The following PREX1 variants were observed in gnomAD, a reference collection of about 807,000 sequenced individuals.
PREX1 encodes the protein phosphatidylinositol 3,4,5-trisphosphate-dependent Rac exchanger 1 protein.
PREX1 carries 41 observed loss-of-function variants against 198.3 expected under a neutral mutation model. The ratio of observed to expected loss-of-function variants is 0.21; its 90% CI spans 0.16 to 0.27. The LOEUF is 0.27. Among genes scored for constraint, PREX1 ranks in the 10% least tolerant of loss-of-function variants. The pLI is 1.00. For synonymous variants in PREX1, 843 were observed against 887.2 expected, an observed-to-expected ratio of 0.95 and a Z score of 0.89; for missense variants, 1,620 against 2,200.7, an observed-to-expected ratio of 0.74 and a Z score of 5.28.
At chr20:48,676,414 G>A (rs901798579) in intron 13 of PREX1, 146 bp from the exon 14 acceptor site, 1 of 720,088 alleles carries the variant, frequency 1.4e-6, no homozygotes, top group Non-Finnish European at 2.4e-6. Flanking sequence ...TCTCAGCCCA[G>A]ACTCCACACA....
intron 36 of PREX1, among the ~76,000 whole-genome samples, 179 bp from the exon 37 acceptor site, chr20:48,629,800 A>G (rs1266518600): frequency 1.3e-5 from 2 of 151,946 alleles, no homozygotes; most frequent in South Asian, 2.1e-4. Context: ...CTGCTCAAGA[A>G]CCCTCTGTGG....
At chr20:48,785,956 T>G (rs375466802) in intron 1 of PREX1, among the ~76,000 whole-genome samples, 199 of 152,254 alleles carry the variant, frequency 1.3e-3, no homozygotes, top group African/African-American at 4.7e-3. Flanking sequence ...AGAGCCGGGA[T>G]GGATGGGCCG....
rs1275549721 is a variant in PREX1 at position 48,661,552 on chromosome 20, T to TAC, written c.1739-1492_1739-1491insGT. ...ATGTGTGTGTGTGTGTGTATATATA[T>TAC]ATATACACACACACACACACACTGA... is the stretch of plus-strand genomic sequence containing the variant. On this transcript the variant is annotated intron_variant, in intron 15 of 39. Coordinates refer to ENST00000371941, the MANE Select transcript of PREX1 (RefSeq NM_020820.4). 7.2e-3 allele frequency among the ~76,000 whole-genome samples: 985 copies of TAC among 136,966 alleles called. 10 individuals carry two copies. Among genetic ancestry groups the TAC allele is most frequent in the African/African-American group, 0.026 (917 of 35,684 alleles). The allele number at this position is 136,966 out of a possible 152,430, so 89.9% of individuals were successfully genotyped here.
intron 1 of PREX1, among the ~76,000 whole-genome samples, chr20:48,800,736 G>A (rs1326014586): frequency 1.3e-5 from 2 of 152,150 alleles, no homozygotes; most frequent in African/African-American, 2.4e-5. Flanking sequence ...AAGCACCATG[G>A]TACATACTGA....
At chr20:48,847,607 G>A in the PREX1 span, among the ~76,000 whole-genome samples, 1 of 152,140 alleles carries the variant, frequency 6.6e-6, no homozygotes. Flanking sequence ...ACTTGTCAGA[G>A]TATTCCTTTC....
At position 48,767,951 on chromosome 20, in the gene PREX1, G is replaced by C. The variant is rs530804602; in HGVS notation, c.220-20071C>G. ...TTCCCTGTAATGCAGGTAGCACAAA[G>C]TGTTGTTCTATGCATTTTGCTAATT... On this transcript the variant is annotated intron_variant, in intron 1 of 39. Transcript: ENST00000371941. 2.0e-5 allele frequency among the ~76,000 whole-genome samples: 3 copies of C among 152,272 alleles called. No individual in the cohort carries two copies. The South Asian group carries it at 6.2e-4, about 32-fold the overall frequency.
At chr20:48,706,207 A>T (rs2089901962) in intron 6 of PREX1, among the ~76,000 whole-genome samples, 1 of 152,184 alleles carries the variant, frequency 6.6e-6, no homozygotes, top group African/African-American at 2.4e-5. Context: ...ACCAGAAAAA[A>T]GGCATCTGGA....
At chr20:48,838,499 A>G in the PREX1 span, among the ~76,000 whole-genome samples, 112 of 152,334 alleles carry the variant, frequency 7.4e-4, 2 homozygotes, top group East Asian at 0.017. Flanking sequence ...TCTCACAAGT[A>G]AGTAAATACT....
chr20:48,724,548 A>G (rs1276861167), intron 5 of PREX1, among the ~76,000 whole-genome samples: 2 of 152,134 alleles, frequency 1.3e-5, no homozygotes, highest in Non-Finnish European at 2.9e-5. Context: ...GATGGTAAAT[A>G]TTTTAGGCTC....
intron 15 of PREX1, among the ~76,000 whole-genome samples, chr20:48,661,478 T>C (rs1374694564): frequency 1.2e-3 from 123 of 98,726 alleles, no homozygotes; most frequent in African/African-American, 4.8e-3. Flanking sequence ...TACACACACA[T>C]ATATATAATA....
At chr20:48,657,568 C>A (rs756508825) in intron 17 of PREX1, among the ~76,000 whole-genome samples, 3 of 152,190 alleles carry the variant, frequency 2.0e-5, no homozygotes, top group Non-Finnish European at 2.9e-5. Context: ...TCCTTCCAAC[C>A]GCTCACATCA....
intron 5 of PREX1, among the ~76,000 whole-genome samples, chr20:48,720,262 T>C (rs185679879): frequency 6.6e-6 from 1 of 152,324 alleles, no homozygotes; most frequent in Non-Finnish European, 1.5e-5. Context: ...AACCTGATAT[T>C]TATTTTTTCC....
chr20:48,688,492 C>T (rs566699010), intron 10 of PREX1, among the ~76,000 whole-genome samples, 165 bp downstream of exon 10: 1 of 152,040 alleles, frequency 6.6e-6, no homozygotes. Flanking sequence ...ACCCCACTAG[C>T]CTTCTTGATC....
At chr20:48,814,582 G>C (rs1351645942) in intron 1 of PREX1, among the ~76,000 whole-genome samples, 1 of 152,174 alleles carries the variant, frequency 6.6e-6, no homozygotes, top group Non-Finnish European at 1.5e-5. Context: ...GTGGGGCCTG[G>C]ACAGAATGAA....
At chr20:48,782,722 G>C (rs1256489659) in intron 1 of PREX1, among the ~76,000 whole-genome samples, 1 of 152,126 alleles carries the variant, frequency 6.6e-6, no homozygotes, top group Non-Finnish European at 1.5e-5. Flanking sequence ...GGACTTCCCA[G>C]GTAGAGGAAA....
chr20:48,805,995 G>A (rs1054912151), intron 1 of PREX1, among the ~76,000 whole-genome samples: 4 of 152,196 alleles, frequency 2.6e-5, no homozygotes, highest in African/African-American at 7.2e-5. Context: ...GGCTTCTCCC[G>A]CTCAGTGCCA....
chr20:48,661,419 CAAAAAAAAA>C (rs1168247790), intron 15 of PREX1, among the ~76,000 whole-genome samples: 30 of 12,002 alleles, frequency 2.5e-3, no homozygotes, highest in East Asian at 0.017. Flanking sequence ...AACTCCATCT[CAAAAAAAAA>C]AAAAAAAAAA....
intron 10 of PREX1, among the ~76,000 whole-genome samples, chr20:48,681,686 G>GGATGGATA (rs1475832240): frequency 1.3e-5 from 2 of 151,974 alleles, no homozygotes; most frequent in African/African-American, 2.4e-5. Context: ...ATAGATGGAT[G>GGATGGATA]GATGGATGGA....
At chr20:48,774,935 T>C (rs1192242096) in intron 1 of PREX1, among the ~76,000 whole-genome samples, 1 of 152,228 alleles carries the variant, frequency 6.6e-6, no homozygotes, top group Non-Finnish European at 1.5e-5. Context: ...CAGCGTTAAA[T>C]GGCTCTGCAG....
Sources: gnomAD v4.1 joint callset for allele counts (sites outside exome capture counted in the v4.1 genomes callset) on GRCh38, gnomAD v4.1.1 for gene constraint, MANE v1.5 for transcripts, NCBI Gene and HGNC (gene_info 2026-07-23, HGNC 2026-07-21) for gene names.